Variants in PARD3 observed in about 807,000 individuals in gnomAD.
PARD3 encodes the protein par-3 family cell polarity regulator.
In PARD3, 75 loss-of-function variants were observed where a neutral mutation model predicts 155.4. The observed-to-expected ratio is 0.48, with a 90% CI of 0.40 to 0.58. The LOEUF is 0.58. Ranked by LOEUF, PARD3 falls within the 20% of genes least tolerant of loss-of-function variation. The probability of loss-of-function intolerance (pLI) is 0.00; values close to 1 mark genes in which losing one functional copy is unlikely to be tolerated. For synonymous variants in PARD3, 576 were observed against 610.5 expected, an observed-to-expected ratio of 0.94 and a Z score of 0.83; for missense variants, 1,642 against 1,721.7, an observed-to-expected ratio of 0.95 and a Z score of 0.82.
At chr10:34,344,137 T>G in intron 15 of PARD3, 2 of 981,510 alleles carry the variant, frequency 2.0e-6, no homozygotes, top group Non-Finnish European at 2.4e-6. Context: ...GAAAAATTAT[T>G]CAGCTAAAAA....
chr10:34,598,879 G>A (rs993788613), intron 2 of PARD3, among the ~76,000 whole-genome samples: 7 of 152,134 alleles, frequency 4.6e-5, no homozygotes, highest in Non-Finnish European at 1.0e-4. Context: ...AAGCCCCTCA[G>A]CACCATGAAG....
intron 2 of PARD3, among the ~76,000 whole-genome samples, chr10:34,630,876 G>T (rs984768828): frequency 6.6e-6 from 1 of 151,128 alleles, no homozygotes; most frequent in African/African-American, 2.4e-5. Flanking sequence ...GTGCAGTGGC[G>T]CAATCATATT....
intron 2 of PARD3, among the ~76,000 whole-genome samples, chr10:34,608,188 T>C (rs537856992): frequency 1.8e-4 from 28 of 152,290 alleles, no homozygotes; most frequent in Non-Finnish European, 1.5e-5. Flanking sequence ...GGATTTCAGT[T>C]CTTCTGAATT....
intron 1 of PARD3, among the ~76,000 whole-genome samples, chr10:34,785,857 T>TAC (rs1840902384): frequency 6.6e-6 from 1 of 152,196 alleles, no homozygotes; most frequent in South Asian, 2.1e-4. Context: ...ATTAATACTA[T>TAC]ACATTGCTCT....
Position 34,238,257 on chromosome 10 carries a change from C to T in PARD3, c.3419+31400G>A, listed in dbSNP as rs1047584382. On this transcript the variant is annotated intron_variant, in intron 22 of 24. Transcript: ENST00000374788. ...CAAAGCTGATGATAACTGGCTTTGG[C>T]AACAGACTGTAGTATCCCAAATGAG... Among the ~76,000 whole-genome samples the T allele has an allele frequency of 2.0e-5, 3 of 152,114 alleles. No individual in the cohort carries two copies. In the East Asian group the frequency reaches 5.8e-4, roughly 29 times the overall value.
At chr10:34,681,752 ATATATATATATATATATTTTTTTTT>A (rs1171656499) in intron 2 of PARD3, among the ~76,000 whole-genome samples, 5 of 19,150 alleles carry the variant, frequency 2.6e-4, no homozygotes, top group East Asian at 1.3e-3. Context: ...ATATATATAT[ATATATATATATATATATTTTTTTTT>A]TTTTTTTTTT....
At chr10:34,523,744 A>G (rs1467492748) in intron 2 of PARD3, among the ~76,000 whole-genome samples, 4 of 152,266 alleles carry the variant, frequency 2.6e-5, no homozygotes, top group African/African-American at 9.6e-5. Flanking sequence ...TAAATTTCAA[A>G]AACTTAACAA....
At chr10:34,433,403 A>T (rs1217057418) in intron 5 of PARD3, among the ~76,000 whole-genome samples, 1 of 152,208 alleles carries the variant, frequency 6.6e-6, no homozygotes, top group Non-Finnish European at 1.5e-5. Context: ...TTTTATTTGA[A>T]TCAAGACCTA....
intron 2 of PARD3, among the ~76,000 whole-genome samples, chr10:34,519,749 G>T (rs1384127634): frequency 6.6e-6 from 1 of 152,002 alleles, no homozygotes; most frequent in Non-Finnish European, 1.5e-5. Flanking sequence ...AGAAGGCGGA[G>T]GGTGCAGTGA....
chr10:34,739,678 C>T (rs898980495), intron 1 of PARD3, among the ~76,000 whole-genome samples: 1 of 152,124 alleles, frequency 6.6e-6, no homozygotes, highest in East Asian at 1.9e-4. Flanking sequence ...TTGGAATGTT[C>T]TAGAATGAAT....
chr10:34,599,724 G>A (rs1590172742), intron 2 of PARD3, among the ~76,000 whole-genome samples: 2 of 152,308 alleles, frequency 1.3e-5, no homozygotes, highest in East Asian at 3.9e-4. Context: ...AGGTTCAGAA[G>A]TCCAGATCAC....
At chr10:34,316,300 T>C (rs1304714260) in intron 20 of PARD3, among the ~76,000 whole-genome samples, 2 of 152,178 alleles carry the variant, frequency 1.3e-5, no homozygotes, top group Non-Finnish European at 2.9e-5. Context: ...TTATAAATCA[T>C]CTTAGATGAA....
chr10:34,441,302 T>C (rs1026618365), intron 5 of PARD3, among the ~76,000 whole-genome samples: 4 of 152,214 alleles, frequency 2.6e-5, no homozygotes, highest in African/African-American at 9.6e-5. Context: ...GTCTTTAATA[T>C]ACAAGAAACT....
At chr10:34,193,371 T>C (rs1950798181) in intron 22 of PARD3, among the ~76,000 whole-genome samples, 1 of 152,196 alleles carries the variant, frequency 6.6e-6, no homozygotes, top group African/African-American at 2.4e-5. Flanking sequence ...TCCCCTTGCT[T>C]ACCTATAGTA....
chr10:34,804,011 T>C (rs185419203), intron 1 of PARD3, among the ~76,000 whole-genome samples: 32 of 150,684 alleles, frequency 2.1e-4, no homozygotes, highest in Admixed American at 1.2e-3. Context: ...ATGATGCACT[T>C]AGGGATCTAC....
intron 1 of PARD3, among the ~76,000 whole-genome samples, chr10:34,769,999 C>T (rs1451510793): frequency 6.6e-6 from 1 of 152,100 alleles, no homozygotes; most frequent in Non-Finnish European, 1.5e-5. Context: ...GGTTAAAATA[C>T]AGCCCCAATT....
intron 1 of PARD3, among the ~76,000 whole-genome samples, chr10:34,713,082 G>C (rs1038910722): frequency 6.6e-6 from 1 of 151,992 alleles, no homozygotes; most frequent in African/African-American, 2.4e-5. Flanking sequence ...CATGGTGGCA[G>C]GCACCTGTAA....
Position 34,172,830 on chromosome 10 carries a change from T to A in PARD3, c.3420-41247A>T, listed in dbSNP as rs548973931. Among the ~76,000 whole-genome samples, 437 of 151,344 alleles carry A rather than the reference T, an allele frequency of 2.9e-3. 4 individuals carry two copies. The highest frequency in any genetic ancestry group is 4.8e-3 in the Non-Finnish European group (329 of 67,916). The stretch of plus-strand genomic sequence containing the variant: ...AAATATCCTGCTAAAAAGGTACAGA[T>A]AATTGCTGTGAAATTTACATAACAA... On this transcript the variant is annotated intron_variant, in intron 22 of 24. Transcript: ENST00000374788.
At chr10:34,413,180 C>CACACACACAT (rs775445941) in intron 5 of PARD3, among the ~76,000 whole-genome samples, 1,724 of 145,036 alleles carry the variant, frequency 0.012, 11 homozygotes, top group Non-Finnish European at 0.017. Context: ...CACACACACA[C>CACACACACAT]ATATATATAA....
Sources: allele counts gnomAD v4.1 joint callset (sites outside exome capture counted in the v4.1 genomes callset), GRCh38; gene constraint gnomAD v4.1.1; transcripts MANE v1.5; gene names NCBI Gene and HGNC (gene_info 2026-07-23, HGNC 2026-07-21).